Variants in PMFBP1 observed in about 807,000 individuals in gnomAD.
PMFBP1 encodes the protein polyamine-modulated factor 1-binding protein 1.
PMFBP1 carries 131 observed loss-of-function variants against 137.8 expected under a neutral mutation model. The observed-to-expected ratio is 0.95, with a 90% CI of 0.82 to 1.10. The LOEUF (loss-of-function observed/expected upper bound fraction) is 1.10, where lower values mean the gene tolerates loss of function less well. Ranked by LOEUF, PMFBP1 falls within the 50% of genes least tolerant of loss-of-function variation. PMFBP1 has a pLI of 0.00. For missense variants in PMFBP1, 1,199 were observed against 1,175.4 expected, an observed-to-expected ratio of 1.02 and a Z score of -0.29; for synonymous variants, 490 against 450.4, an observed-to-expected ratio of 1.09 and a Z score of -1.11.
rs916996021 is a variant in PMFBP1 at position 72,172,129 on chromosome 16, T to C, written c.-136A>G. Reference sequence around the variant, plus strand: ...AACAAACCACATCCCCTATCCCTAATATAAGCCAAGAGGAAGAAAGAATGT... The same window carrying C: ...AACAAACCACATCCCCTATCCCTAACATAAGCCAAGAGGAAGAAAGAATGT... On this transcript the variant is annotated 5_prime_UTR_variant, in exon 1 of 21. It adds an upstream start codon to the 5' untranslated region. Transcript: ENST00000237353. 2 of 152,090 alleles carry C rather than the reference T, an allele frequency of 1.3e-5. No homozygotes were observed. Among genetic ancestry groups the C allele is most frequent in the African/African-American group, 4.8e-5 (2 of 41,408 alleles). 9.4% of individuals were successfully genotyped at this position (152,090 alleles called of 1,614,324 possible).
At chr16:72,198,773 T>C in the PMFBP1 span, among the ~76,000 whole-genome samples, 1 of 151,860 alleles carries the variant, frequency 6.6e-6, no homozygotes, top group Non-Finnish European at 1.5e-5. Flanking sequence ...GGAATCACAG[T>C]GTGTATTTTC....
chr16:72,179,640 C>G (rs1213021281), upstream of PMFBP1, among the ~76,000 whole-genome samples: 1 of 151,862 alleles, frequency 6.6e-6, no homozygotes, highest in African/African-American at 2.4e-5. Context: ...AAATGACAAA[C>G]AAAAGAGATG....
At position 72,154,313 on chromosome 16, in the gene PMFBP1, C is replaced by T. The variant is rs1201547309; in HGVS notation, c.312G>A (p.Leu104=). 6.2e-7 allele frequency: 1 copy of T among 1,614,128 alleles called. No homozygotes were observed. Among genetic ancestry groups the T allele is most frequent in the Non-Finnish European group, 8.5e-7 (1 of 1,180,016 alleles). Residue 104 remains leucine (L), a synonymous_variant, in exon 4 of 21, where the codon TTG becomes TTA. Coordinates refer to ENST00000237353, the MANE Select transcript of PMFBP1 (RefSeq NM_031293.3). ...QQELEFHTEE[L]QTSYYSLRQY... is the part of the protein sequence containing the mutation. ...GGCGGAGAGAATAGTAAGAAGTCTG[C>T]AACTCCTCTGTGTGAAACTCCAGTT... is the stretch of plus-strand genomic sequence containing the variant.
the PMFBP1 span, among the ~76,000 whole-genome samples, chr16:72,199,673 A>C: frequency 6.7e-6 from 1 of 148,322 alleles, no homozygotes; most frequent in Non-Finnish European, 1.5e-5. Context: ...AAAAAAAAAA[A>C]GTGTAGGGAG....
At chr16:72,130,816 T>C (rs2042539432) in intron 10 of PMFBP1, 94 bp from the exon 11 acceptor site, 6 of 1,218,534 alleles carry the variant, frequency 4.9e-6, no homozygotes, top group Non-Finnish European at 6.7e-6. Flanking sequence ...TTTCATTTTG[T>C]GCCCTACTTC....
Position 72,132,754 on chromosome 16 carries a change from G to A in PMFBP1, c.1441C>T (p.Leu481=). The change falls in exon 10 of 21, where the codon CTG becomes TTG. Residue 481 remains leucine (L), a synonymous_variant. Transcript: ENST00000237353. ...GCACCTGCAGGGGCCTCACCAGCCA[G>A]CCTCTCCTGCTGCTTGGCCTCTTCG... The part of the protein sequence containing the change: ...SLEEAKQQER[L]AAQQAAQCKE... 6.2e-7 allele frequency: 1 copy of A among 1,614,058 alleles called. No homozygotes were observed. The highest frequency in any genetic ancestry group is 8.5e-7 in the Non-Finnish European group (1 of 1,180,020).
chr16:72,124,288 G>T (rs560262568), intron 17 of PMFBP1, among the ~76,000 whole-genome samples: 210 of 152,336 alleles, frequency 1.4e-3, no homozygotes, highest in Non-Finnish European at 2.5e-3. Context: ...AGGGACTGCA[G>T]GCATGAGCCA....
rs1351886364 is a variant in PMFBP1, at chr16:72,136,820, C to G, written c.919-1G>C. 2 of 1,613,988 alleles carry G rather than the reference C, an allele frequency of 1.2e-6. No homozygotes were observed. Among genetic ancestry groups the G allele is most frequent in the African/African-American group, 2.7e-5 (2 of 74,934 alleles). On this transcript the variant is annotated splice_acceptor_variant, in intron 7 of 20. Coordinates refer to ENST00000237353, the MANE Select transcript of PMFBP1 (RefSeq NM_031293.3). LOFTEE classifies it high-confidence loss of function. ...TCTGCTCCTGCAAGTGCTTCAGTATCTGGCAGATGGAAGAACAGGGCAGGA... is the reference window on the plus strand; with the variant it reads ...TCTGCTCCTGCAAGTGCTTCAGTATGTGGCAGATGGAAGAACAGGGCAGGA...
At chr16:72,202,773 C>G in the PMFBP1 span, among the ~76,000 whole-genome samples, 2 of 152,200 alleles carry the variant, frequency 1.3e-5, no homozygotes, top group African/African-American at 4.8e-5. Context: ...TGACAATCTC[C>G]TTCCTTTGTT....
chr16:72,144,468 C>T (rs758653232), intron 5 of PMFBP1, among the ~76,000 whole-genome samples: 1 of 152,054 alleles, frequency 6.6e-6, no homozygotes, highest in South Asian at 2.1e-4. Context: ...GAGAAGGTCC[C>T]GTGTACAGAA....
chr16:72,147,926 G>A (rs1050300319), intron 5 of PMFBP1, among the ~76,000 whole-genome samples: 1 of 152,176 alleles, frequency 6.6e-6, no homozygotes. Context: ...GTTGGTGGGA[G>A]TGTAAATTAG....
chr16:72,174,943 G>T (rs922908191), upstream of PMFBP1, among the ~76,000 whole-genome samples: 2 of 152,016 alleles, frequency 1.3e-5, no homozygotes, highest in Non-Finnish European at 2.9e-5. Flanking sequence ...TGGGTCATCT[G>T]GCACTTCCTC....
chr16:72,244,526 T>C, the PMFBP1 span, among the ~76,000 whole-genome samples: 1 of 152,220 alleles, frequency 6.6e-6, no homozygotes, highest in African/African-American at 2.4e-5. Flanking sequence ...CTTGAAGAAT[T>C]GCCATAATTG....
the PMFBP1 span, among the ~76,000 whole-genome samples, chr16:72,243,605 A>G: frequency 6.6e-6 from 1 of 152,094 alleles, no homozygotes; most frequent in East Asian, 1.9e-4. Flanking sequence ...GCCCCTCTTA[A>G]TTATCCCCAG....
At chr16:72,123,038 G>T in intron 18 of PMFBP1, 50 bp from the exon 19 acceptor site, 1 of 1,529,380 alleles carries the variant, frequency 6.5e-7, no homozygotes, top group South Asian at 1.1e-5. Context: ...AGCCTCCCGC[G>T]AGCAAGGGTG....
At chr16:72,165,173 C>T (rs1042712968) in intron 2 of PMFBP1, among the ~76,000 whole-genome samples, 6 of 152,128 alleles carry the variant, frequency 3.9e-5, no homozygotes, top group African/African-American at 1.4e-4. Context: ...ACAGACAATT[C>T]CCCTGTTTTT....
At chr16:72,247,701 G>A in the PMFBP1 span, among the ~76,000 whole-genome samples, 1 of 151,948 alleles carries the variant, frequency 6.6e-6, no homozygotes, top group African/African-American at 2.4e-5. Flanking sequence ...ACTTCATATG[G>A]GTTTTTGCTC....
At position 72,129,208 on chromosome 16, in the gene PMFBP1, C is replaced by T. The variant is rs2042510589; in HGVS notation, c.1808G>A (p.Cys603Tyr). 3 of 1,613,330 alleles carry T rather than the reference C, an allele frequency of 1.9e-6. No homozygotes were observed. Among genetic ancestry groups the T allele is most frequent in the Admixed American group, 1.7e-5 (1 of 60,000 alleles). Residue 603 changes from cysteine to tyrosine, a missense_variant, in exon 13 of 21, where the codon TGC becomes TAC. By Grantham distance (194) the Cys-to-Tyr change is radical. Transcript: ENST00000237353. Reference sequence around the variant, plus strand: ...CTCCTGAAGATCTTCTTCTAACTTGCATTTGATGGAGCCTTGCTCCCTGTG... The same window carrying T: ...CTCCTGAAGATCTTCTTCTAACTTGTATTTGATGGAGCCTTGCTCCCTGTG... ...HQHREQGSIK[C>Y]KLEEDLQEAT...
the PMFBP1 span, among the ~76,000 whole-genome samples, chr16:72,242,727 C>T: frequency 3.3e-5 from 5 of 152,130 alleles, no homozygotes; most frequent in African/African-American, 7.2e-5. Context: ...CCAAGAAATG[C>T]GTGATGGATG....
Sources: allele counts gnomAD v4.1 joint callset (sites outside exome capture counted in the v4.1 genomes callset), GRCh38; gene constraint gnomAD v4.1.1; transcripts MANE v1.5; gene names NCBI Gene and HGNC (gene_info 2026-07-23, HGNC 2026-07-21).